PTOV1: variants seen among roughly 807,000 people sequenced by gnomAD.
PTOV1 encodes the protein PTOV1 extended AT-hook containing adaptor protein.
In PTOV1, 20 loss-of-function variants were observed where a neutral mutation model predicts 58.0. The observed-to-expected ratio is 0.34, with a 90% confidence interval of 0.24 to 0.50. PTOV1 has a LOEUF of 0.50. Ranked by LOEUF, PTOV1 falls within the 20% of genes least tolerant of loss-of-function variation. The pLI is 0.98. For missense variants in PTOV1, 593 were observed against 565.4 expected (o/e 1.05, Z -0.50); for synonymous variants, 335 against 234.2 (o/e 1.43, Z -3.93).
At chr19:49,860,722 A>G (rs1045118847) in exon 12 of PTOV1, 29 of 310,950 alleles carry the variant, frequency 9.3e-5, no homozygotes, top group African/African-American at 3.4e-4. Flanking sequence ...CGTTTCCCCA[A>G]TAAAGCCTTT....
At chr19:49,851,484 C>T (rs2074244542) in exon 1 of PTOV1, 2 of 1,220,948 alleles carry the variant, frequency 1.6e-6, no homozygotes, top group Non-Finnish European at 2.0e-6. Context: ...TCCGGGCCCG[C>T]TCGGCCCCTC....
chr19:49,851,798 CG>C, intron 1 of PTOV1: 1 of 1,031,432 alleles, frequency 9.7e-7, no homozygotes, highest in South Asian at 4.6e-5. Context: ...GACAGGCAGC[CG>C]GCACGCTCGC....
intron 1 of PTOV1, chr19:49,851,928 G>C (rs190976169): frequency 1.1e-6 from 1 of 897,852 alleles, no homozygotes; most frequent in Non-Finnish European, 1.3e-6. Flanking sequence ...CCCAGATGTC[G>C]CACCCGTGGG....
At chr19:49,856,719 T>G in intron 5 of PTOV1, 1 of 473,034 alleles carries the variant, frequency 2.1e-6, no homozygotes. Flanking sequence ...GGGTGGGAGG[T>G]AGTGCCTTCT....
chr19:49,858,476 G>A (rs1600394374), intron 9 of PTOV1, 73 bp from the exon 10 acceptor site: 2 of 1,252,394 alleles, frequency 1.6e-6, no homozygotes, highest in Non-Finnish European at 1.1e-6. Context: ...GGGCCCGGGG[G>A]ACTCAGCGGG....
rs141936477 is a variant in PTOV1 at position 49,860,031 on chromosome 19, G to A, written c.1087G>A (p.Val363Met). Reference sequence around the variant, plus strand: ...CTACAAAGCATCGTGTGAGATCCGCGTGCTTATGCTCCTGTACTCTTCAGA... The same window carrying A: ...CTACAAAGCATCGTGTGAGATCCGCATGCTTATGCTCCTGTACTCTTCAGA... The change falls in exon 11 of 12, where the codon GTG (valine) becomes ATG (methionine). Residue 363 changes from valine to methionine, a missense_variant. Physicochemically the swap from Val to Met is conservative, Grantham distance 21. Transcript: ENST00000391842. The A allele has an allele frequency of 2.5e-5, 40 of 1,614,200 alleles. No homozygotes were observed. The highest frequency in any genetic ancestry group is 6.6e-5 in the South Asian group (6 of 91,090).
exon 1 of PTOV1, chr19:49,851,201 C>G (rs1299886535): frequency 3.3e-6 from 4 of 1,208,988 alleles, no homozygotes; most frequent in Non-Finnish European, 2.1e-6. Flanking sequence ...GCGCGTCCCC[C>G]GAGCTTGGTA....
Position 49,859,861 on chromosome 19 carries a change from G to A in PTOV1, c.1042-125G>A, listed in dbSNP as rs1395131915. The stretch of plus-strand genomic sequence containing the variant: ...AAGGGGGCCCACCTCCAGGGTGGGT[G>A]GGGGGTGTGAGGACAGAGCAGTTAG... On this transcript the variant is annotated intron_variant, in intron 10 of 11. Transcript: ENST00000391842. 9.0e-5 allele frequency: 92 copies of A among 1,022,870 alleles called. 1 individual carries two copies. In the South Asian group the frequency reaches 1.3e-3, roughly 14 times the overall value. 63.4% of individuals were successfully genotyped at this position (1,022,870 alleles called of 1,614,324 possible).
At chr19:49,851,996 G>GCGCCCA (rs887241742) in intron 1 of PTOV1, 11 of 985,370 alleles carry the variant, frequency 1.1e-5, no homozygotes, top group South Asian at 9.4e-5. Context: ...ATACGCGCCC[G>GCGCCCA]CGCCCACATG....
intron 1 of PTOV1, chr19:49,852,354 A>G (rs1600356477): frequency 6.6e-6 from 1 of 152,002 alleles, no homozygotes; most frequent in Admixed American, 6.6e-5. Flanking sequence ...CACAACTTAA[A>G]CGTACCCCTT....
At position 49,858,121 on chromosome 19, in the gene PTOV1, G is replaced by T; in HGVS notation, c.936+7G>T. ...CATCCCGCAGCAGCTGCTGGTGAGG[G>T]GCTGGGGCCGGGTGCTGGAGCCTGC... On this transcript the variant is annotated splice_region_variant and intron_variant, in intron 9 of 11. Coordinates refer to ENST00000391842, the Ensembl canonical transcript of PTOV1. 1 of 1,612,570 alleles carries T rather than the reference G, an allele frequency of 6.2e-7. No homozygotes were observed. Among genetic ancestry groups the T allele is most frequent in the Non-Finnish European group, 8.5e-7 (1 of 1,179,738 alleles).
Position 49,859,894 on chromosome 19 carries a change from C to G in PTOV1, c.1042-92C>G, listed in dbSNP as rs535914481. The G allele has an allele frequency of 2.4e-5, 34 of 1,396,968 alleles. No individual in the cohort carries two copies. The African/African-American group carries it at 4.3e-4, about 17-fold the overall frequency. The allele number at this position is 1,396,968 out of a possible 1,614,324, so 86.5% of individuals were successfully genotyped here. On this transcript the variant is annotated intron_variant, in intron 10 of 11. Transcript: ENST00000391842. Reference sequence around the variant, plus strand: ...TGAGGACAGAGCAGTTAGGCTGTGCCTGGCTCATGGAGCCCACGGCATGAT... The same window carrying G: ...TGAGGACAGAGCAGTTAGGCTGTGCGTGGCTCATGGAGCCCACGGCATGAT...
chr19:49,851,681 C>A (rs1236248358), intron 1 of PTOV1, 182 bp downstream of exon 1: 3 of 1,128,688 alleles, frequency 2.7e-6, no homozygotes, highest in Non-Finnish European at 3.3e-6. Context: ...GCGCTCTCCC[C>A]TTTGTTGCGC....
At chr19:49,858,839 T>C in intron 10 of PTOV1, 186 bp downstream of exon 10, 1 of 568,694 alleles carries the variant, frequency 1.8e-6, no homozygotes, top group Non-Finnish European at 3.1e-6. Flanking sequence ...GATGGGGCAC[T>C]GACCCTGGTT....
intron 9 of PTOV1, 75 bp from the exon 10 acceptor site, chr19:49,858,474 G>A (rs941757041): frequency 8.1e-7 from 1 of 1,236,338 alleles, no homozygotes; most frequent in Middle Eastern, 2.0e-4. Flanking sequence ...CTGGGCCCGG[G>A]GGACTCAGCG....
upstream of PTOV1, chr19:49,850,965 C>T: frequency 6.5e-7 from 1 of 1,535,584 alleles, no homozygotes; most frequent in South Asian, 1.2e-5. Context: ...GGTAGGGGCT[C>T]CCGTTCCCGC....
chr19:49,859,653 T>A (rs1447456039), intron 10 of PTOV1, among the ~76,000 whole-genome samples: 1 of 152,066 alleles, frequency 6.6e-6, no homozygotes, highest in African/African-American at 2.4e-5. Flanking sequence ...GGCCGGCCGC[T>A]GCAGATCCCT....
intron 9 of PTOV1, 36 bp from the exon 10 acceptor site, chr19:49,858,513 G>C: frequency 6.5e-7 from 1 of 1,529,184 alleles, no homozygotes; most frequent in Non-Finnish European, 8.9e-7. Flanking sequence ...CGTGGTGGGA[G>C]AAGCCAGAGC....
intron 10 of PTOV1, chr19:49,858,930 G>A (rs886933452): frequency 4.1e-5 from 14 of 344,438 alleles, no homozygotes; most frequent in Non-Finnish European, 4.8e-5. Flanking sequence ...AGGGACAGGC[G>A]CCCTTGTCAC....
Sources: gnomAD v4.1 joint callset for allele counts (sites outside exome capture counted in the v4.1 genomes callset) on GRCh38, gnomAD v4.1.1 for gene constraint, MANE v1.5 for transcripts, NCBI Gene and HGNC (gene_info 2026-07-23, HGNC 2026-07-21) for gene names.